The following CFAP20DC variants were observed in gnomAD, a reference collection of about 807,000 sequenced individuals.
CFAP20DC encodes CFAP20 domain containing.
Under a neutral mutation model 101.7 loss-of-function variants are expected in CFAP20DC, and 84 were observed. The ratio of observed to expected loss-of-function variants is 0.83; its 90% CI spans 0.69 to 0.99. The LOEUF (loss-of-function observed/expected upper bound fraction) is 0.99. Among genes scored for constraint, CFAP20DC ranks in the 50% least tolerant of loss-of-function variants. The pLI is 0.00. For missense variants in CFAP20DC, 1,007 were observed against 970.3 expected (o/e 1.04, Z -0.50); for synonymous variants, 359 against 351.2 (o/e 1.02, Z -0.25).
chr3:58,954,700 T>C (rs1416414987), intron 4 of CFAP20DC, among the ~76,000 whole-genome samples: 1 of 152,188 alleles, frequency 6.6e-6, no homozygotes, highest in Non-Finnish European at 1.5e-5. Flanking sequence ...GAAGTTTAAA[T>C]TCACTGAAGA....
chr3:58,816,633 G>T (rs1024566941), intron 14 of CFAP20DC, among the ~76,000 whole-genome samples: 2 of 152,154 alleles, frequency 1.3e-5, no homozygotes, highest in East Asian at 3.9e-4. Context: ...CTGGCTCGAG[G>T]GTCCTACGCC....
chr3:58,756,910 A>G (rs2069000314), intron 15 of CFAP20DC, among the ~76,000 whole-genome samples: 1 of 152,048 alleles, frequency 6.6e-6, no homozygotes, highest in African/African-American at 2.4e-5. Flanking sequence ...CTTTTTTTAC[A>G]GCAGCATAAT....
intron 15 of CFAP20DC, among the ~76,000 whole-genome samples, chr3:58,755,217 T>C (rs1009798361): frequency 3.3e-5 from 5 of 152,148 alleles, no homozygotes; most frequent in Non-Finnish European, 7.4e-5. Context: ...TATCACTACA[T>C]TGTGGCTGGT....
intron 7 of CFAP20DC, among the ~76,000 whole-genome samples, chr3:58,881,847 C>A (rs141422865): frequency 6.6e-6 from 1 of 152,218 alleles, no homozygotes; most frequent in East Asian, 1.9e-4. Context: ...TTGGCTTTCC[C>A]ATGATTAAAA....
intron 5 of CFAP20DC, among the ~76,000 whole-genome samples, chr3:58,926,708 A>G (rs1475102497): frequency 3.9e-5 from 6 of 152,238 alleles, no homozygotes; most frequent in Non-Finnish European, 4.4e-5. Flanking sequence ...AGTTTGTAAT[A>G]AAAGTTATAA....
chr3:58,799,139 T>C lies in CFAP20DC; in HGVS notation c.2237+7256A>G, dbSNP rs183386476. On this transcript the variant is annotated intron_variant, in intron 15 of 16. Coordinates refer to ENST00000482387, the MANE Select transcript of CFAP20DC (RefSeq NM_001394063.1). The surrounding 1 kb of genome is among the most constrained non-coding windows in gnomAD (Gnocchi z 4.9). ...TTTTTCTATTTGCTTACCCAGATTC[T>C]ATTAGCCTGGTGAGAACTGAGTACA... 2.8e-3 allele frequency among the ~76,000 whole-genome samples: 424 copies of C among 152,250 alleles called. 2 individuals are homozygous for C. The highest frequency in any genetic ancestry group is 9.6e-3 in the African/African-American group (399 of 41,556).
intron 14 of CFAP20DC, among the ~76,000 whole-genome samples, chr3:58,818,431 A>G (rs948554174): frequency 6.6e-6 from 1 of 151,004 alleles, no homozygotes; most frequent in Non-Finnish European, 1.5e-5. Context: ...GCTCAAAATA[A>G]AAGGATGGAG....
In CFAP20DC at chr3:58,948,656, A is replaced by G. The variant is rs547973936; in HGVS notation, c.279-10894T>C. Among the ~76,000 whole-genome samples the G allele has an allele frequency of 3.3e-5, 5 of 152,308 alleles. No homozygotes were observed. The South Asian group carries it at 1.0e-3, about 32-fold the overall frequency. On this transcript the variant is annotated intron_variant, in intron 4 of 16. Transcript: ENST00000482387. ...GATGAAGCCCACTTGATCATGGTGGATAAGCTTTTTGATGTGCTGCTGGAT... is the reference window on the plus strand; with the variant it reads ...GATGAAGCCCACTTGATCATGGTGGGTAAGCTTTTTGATGTGCTGCTGGAT...
chr3:58,932,728 C>G (rs963735997), intron 5 of CFAP20DC, among the ~76,000 whole-genome samples: 3 of 152,240 alleles, frequency 2.0e-5, no homozygotes, highest in South Asian at 2.1e-4. Flanking sequence ...AATGCTGAGA[C>G]ATTTTGTCAC....
In CFAP20DC at chr3:58,894,526, T is replaced by A. The variant is rs953359445; in HGVS notation, c.551-9817A>T. ...AGGACACGCTGATGCAGAAGGTGGG[T>A]TCCTACGGCCTTTGGCAGCTCCACC... On this transcript the variant is annotated intron_variant, in intron 6 of 16. Coordinates refer to ENST00000482387, the MANE Select transcript of CFAP20DC (RefSeq NM_001394063.1). The surrounding 1 kb of genome is among the most constrained non-coding windows in gnomAD (Gnocchi z 4.1). Among the ~76,000 whole-genome samples, 2 of 152,206 alleles carry A rather than the reference T, an allele frequency of 1.3e-5. No homozygotes were observed. Among genetic ancestry groups the A allele is most frequent in the Admixed American group, 1.3e-4 (2 of 15,282 alleles).
At chr3:58,936,025 C>G (rs1361279179) in intron 5 of CFAP20DC, among the ~76,000 whole-genome samples, 4 of 152,128 alleles carry the variant, frequency 2.6e-5, no homozygotes, top group African/African-American at 7.2e-5. Flanking sequence ...ACCTACTTAT[C>G]TGACAAAGGG....
intron 3 of CFAP20DC, chr3:58,726,642 T>C (rs1168098812): frequency 1.6e-3 from 235 of 150,606 alleles, no homozygotes; most frequent in Middle Eastern, 8.8e-3. Context: ...AATGACCTAT[T>C]ACTTCCACTC....
chr3:58,936,432 C>T (rs1392707436), intron 5 of CFAP20DC, among the ~76,000 whole-genome samples: 1 of 152,062 alleles, frequency 6.6e-6, no homozygotes, highest in African/African-American at 2.4e-5. Flanking sequence ...GGGTATATAC[C>T]CAAAGGGTTA....
At chr3:58,812,456 C>G (rs2074731619) in intron 14 of CFAP20DC, among the ~76,000 whole-genome samples, 1 of 150,074 alleles carries the variant, frequency 6.7e-6, no homozygotes, top group Admixed American at 6.7e-5. Flanking sequence ...ATCGCAAGAA[C>G]AAAAAACCAA....
chr3:59,049,491 T>C (rs1394782624), intron 1 of CFAP20DC, 120 bp downstream of exon 1: 1 of 944,226 alleles, frequency 1.1e-6, no homozygotes. Context: ...AATTCTGTCT[T>C]ACCCCTGAAA....
chr3:59,029,881 C>A (rs2093957348), intron 4 of CFAP20DC, among the ~76,000 whole-genome samples: 1 of 152,060 alleles, frequency 6.6e-6, no homozygotes, highest in Non-Finnish European at 1.5e-5. Flanking sequence ...TAACACGATG[C>A]CTGACAATAA....
intron 4 of CFAP20DC, among the ~76,000 whole-genome samples, chr3:58,979,817 C>CTTTTTT (rs566433334): frequency 7.0e-6 from 1 of 142,296 alleles, no homozygotes; most frequent in African/African-American, 2.6e-5. Flanking sequence ...GTTTCTTTTT[C>CTTTTTT]TTTTTTTTTT....
At chr3:58,956,345 C>G (rs919485461) in intron 4 of CFAP20DC, among the ~76,000 whole-genome samples, 6 of 151,868 alleles carry the variant, frequency 4.0e-5, no homozygotes, top group African/African-American at 1.5e-4. Context: ...TCACCACAAG[C>G]TGAATAAAGA....
downstream of CFAP20DC, among the ~76,000 whole-genome samples, chr3:58,738,550 T>C (rs2067809778): frequency 6.6e-6 from 1 of 152,230 alleles, no homozygotes; most frequent in Admixed American, 6.5e-5. The surrounding 1 kb of genome is among the most constrained non-coding windows in gnomAD (Gnocchi z 4.4). Context: ...TAGTATTCCA[T>C]GGTGTATATG....
Sources: gnomAD v4.1 joint callset for allele counts (sites outside exome capture counted in the v4.1 genomes callset) on GRCh38, gnomAD v4.1.1 for gene constraint, Gnocchi (gnomAD v3.1) non-coding constraint, MANE v1.5 for transcripts, NCBI Gene and HGNC (gene_info 2026-07-23, HGNC 2026-07-21) for gene names.